Variants in GARIN1A observed in about 807,000 individuals in gnomAD.
GARIN1A encodes the protein golgi associated RAB2 interactor 1A, also known as Golgi-associated RAB2 interactor protein 1A.
chr7:128,677,171 G>A, the GARIN1A span, among the ~76,000 whole-genome samples: 82 of 151,894 alleles, frequency 5.4e-4, no homozygotes, highest in African/African-American at 1.8e-3. Flanking sequence ...GGAGGCCAGT[G>A]TCGCTGAGCC....
chr7:128,679,408 G>A, the GARIN1A span, among the ~76,000 whole-genome samples: 44 of 152,056 alleles, frequency 2.9e-4, 1 homozygote, highest in Non-Finnish European at 1.5e-5. Context: ...GGCCAGGATG[G>A]TCTCGATCTC....
the GARIN1A span, chr7:128,682,954 G>A: frequency 1.3e-6 from 2 of 1,556,888 alleles, no homozygotes; most frequent in South Asian, 1.2e-5. Flanking sequence ...AATTCCCTGG[G>A]CTCCTACAGG....
the GARIN1A span, chr7:128,683,097 A>G: frequency 6.2e-7 from 1 of 1,612,710 alleles, no homozygotes; most frequent in Non-Finnish European, 8.5e-7. Context: ...AGAGGACTGG[A>G]ATGAGCACCT....
the GARIN1A span, chr7:128,683,207 C>T: frequency 7.1e-7 from 1 of 1,403,384 alleles, no homozygotes; most frequent in East Asian, 2.5e-5. Context: ...CTTGCTACCA[C>T]CTCTTATAAT....
chr7:128,701,336 AG>A, the GARIN1A span, among the ~76,000 whole-genome samples: 2 of 62,828 alleles, frequency 3.2e-5, no homozygotes, highest in Non-Finnish European at 6.4e-5. Flanking sequence ...GGGGGAGGGG[AG>A]GGGAGGGGGA....
At chr7:128,694,306 C>T in the GARIN1A span, among the ~76,000 whole-genome samples, 19 of 151,808 alleles carry the variant, frequency 1.3e-4, no homozygotes, top group East Asian at 1.9e-3. Flanking sequence ...CTGAGGCGGG[C>T]GGATCACTTG....
chr7:128,689,480 C>T, the GARIN1A span, among the ~76,000 whole-genome samples: 1 of 151,834 alleles, frequency 6.6e-6, no homozygotes, highest in Admixed American at 6.6e-5. Context: ...CTCTGCCTGG[C>T]CGCCCCATCT....
At chr7:128,689,667 C>T in the GARIN1A span, among the ~76,000 whole-genome samples, 12 of 150,932 alleles carry the variant, frequency 8.0e-5, 1 homozygote, top group Admixed American at 2.0e-4. Context: ...TGAGGAGCCC[C>T]TCCGCCCGAC....
At chr7:128,695,688 G>A in the GARIN1A span, among the ~76,000 whole-genome samples, 2 of 151,984 alleles carry the variant, frequency 1.3e-5, no homozygotes, top group Admixed American at 6.6e-5. This position sits in a 1 kb window ranked among gnomAD's most constrained non-coding sequence, Gnocchi z 4.5. Flanking sequence ...TTACAGGTGT[G>A]GGCCACCATG....
At chr7:128,674,617 A>G in the GARIN1A span, among the ~76,000 whole-genome samples, 1 of 152,186 alleles carries the variant, frequency 6.6e-6, no homozygotes, top group Non-Finnish European at 1.5e-5. Context: ...TGCAGAGGAT[A>G]TGAATTTCAT....
chr7:128,673,491 A>G, the GARIN1A span, among the ~76,000 whole-genome samples: 2 of 152,162 alleles, frequency 1.3e-5, no homozygotes, highest in Non-Finnish European at 2.9e-5. Flanking sequence ...GATATCCCAG[A>G]CAGAGGGGCT....
chr7:128,677,368 G>A, the GARIN1A span, among the ~76,000 whole-genome samples: 1 of 151,868 alleles, frequency 6.6e-6, no homozygotes, highest in Non-Finnish European at 1.5e-5. Flanking sequence ...TTAGCCGGGC[G>A]TGGTGGCGGG....
the GARIN1A span, chr7:128,691,456 T>A: frequency 6.6e-6 from 1 of 152,146 alleles, no homozygotes; most frequent in African/African-American, 2.4e-5. Flanking sequence ...CCAGAGCAAC[T>A]CCATCTTGAA....
the GARIN1A span, among the ~76,000 whole-genome samples, chr7:128,696,135 C>T: frequency 2.1e-3 from 321 of 150,588 alleles, no homozygotes; most frequent in South Asian, 4.4e-3. Flanking sequence ...ACCTCAGCCT[C>T]CTACGTAGCT....
the GARIN1A span, among the ~76,000 whole-genome samples, chr7:128,676,285 C>T: frequency 2.2e-5 from 3 of 138,474 alleles, no homozygotes; most frequent in African/African-American, 5.1e-5. Flanking sequence ...GCTGGGATTA[C>T]AGGCGTGAGC....
chr7:128,706,466 C>G, the GARIN1A span, among the ~76,000 whole-genome samples: 1 of 151,846 alleles, frequency 6.6e-6, no homozygotes, highest in Non-Finnish European at 1.5e-5. Context: ...CACTCATGCA[C>G]CTATAACTAT....
At chr7:128,698,504 C>A in the GARIN1A span, among the ~76,000 whole-genome samples, 1 of 152,160 alleles carries the variant, frequency 6.6e-6, no homozygotes, top group Admixed American at 6.5e-5. Flanking sequence ...AATCTTCAAT[C>A]TCTTCTGGGC....
the GARIN1A span, among the ~76,000 whole-genome samples, chr7:128,678,555 A>C: frequency 1.3e-5 from 2 of 152,018 alleles, no homozygotes; most frequent in Non-Finnish European, 2.9e-5. Context: ...TGTAATCCTA[A>C]CACTTTGGGA....
chr7:128,680,149 G>A, the GARIN1A span: 2 of 1,541,926 alleles, frequency 1.3e-6, no homozygotes, highest in African/African-American at 2.7e-5. Context: ...ACAGCAGACA[G>A]GTGGGTCCTC....
Sources: allele counts gnomAD v4.1 joint callset (sites outside exome capture counted in the v4.1 genomes callset), GRCh38; gene constraint gnomAD v4.1.1; non-coding constraint Gnocchi (gnomAD v3.1); transcripts MANE v1.5; gene names NCBI Gene and HGNC (gene_info 2026-07-23, HGNC 2026-07-21).